KAT6A: variants seen among roughly 807,000 people sequenced by gnomAD.
KAT6A encodes the protein histone acetyltransferase KAT6A.
In KAT6A, 9 loss-of-function variants were observed where a neutral mutation model predicts 198.4. The ratio of observed to expected loss-of-function variants is 0.05; its 90% CI spans 0.03 to 0.08. The LOEUF is 0.08. Among genes scored for constraint, KAT6A ranks in the 10% least tolerant of loss-of-function variants. The probability of loss-of-function intolerance (pLI) is 1.00; values close to 1 mark genes in which losing one functional copy is unlikely to be tolerated. For synonymous variants in KAT6A, 890 were observed against 883.0 expected (o/e 1.01, Z -0.14); for missense variants, 2,077 against 2,509.9 (o/e 0.83, Z 3.69).
intron 2 of KAT6A, among the ~76,000 whole-genome samples, chr8:41,994,911 C>T (rs1825121035): frequency 6.6e-6 from 1 of 151,972 alleles, no homozygotes; most frequent in Admixed American, 6.6e-5. Flanking sequence ...CAAAAATTAG[C>T]CAGGCATGGT....
intron 2 of KAT6A, among the ~76,000 whole-genome samples, chr8:42,009,303 C>T (rs1369355621): frequency 6.6e-6 from 1 of 151,816 alleles, no homozygotes; most frequent in East Asian, 1.9e-4. Flanking sequence ...AAAGGTAATG[C>T]TATTAGTTTA....
intron 2 of KAT6A, among the ~76,000 whole-genome samples, chr8:41,997,418 GA>G (rs927391291): frequency 7.9e-5 from 12 of 151,368 alleles, no homozygotes; most frequent in African/African-American, 1.9e-4. Context: ...ATCAAAAATG[GA>G]AAAAAAAGTT....
chr8:41,940,889 G>A lies in KAT6A; in HGVS notation c.2992C>T (p.Arg998Trp), dbSNP rs777413662. 1.1e-5 allele frequency: 18 copies of A among 1,613,726 alleles called. No individual in the cohort carries two copies. Among genetic ancestry groups the A allele is most frequent in the Non-Finnish European group, 1.4e-5 (17 of 1,180,032 alleles). The change falls in exon 15 of 17, where the codon CGG becomes TGG. Residue 998 changes from arginine (R) to tryptophan (W), a missense_variant. By Grantham distance (101) the Arg-to-Trp change is moderately radical (BLOSUM62 -3). Coordinates refer to ENST00000265713, the MANE Select transcript of KAT6A (RefSeq NM_006766.5). Reference sequence around the variant, plus strand: ...GTGAGAATTGGTGGCGAGCTTGACCGAGGGCTTTCCGGCTCCTCCTCCTCC... The same window carrying A: ...GTGAGAATTGGTGGCGAGCTTGACCAAGGGCTTTCCGGCTCCTCCTCCTCC... ...SEEEEEPESP[R>W]SSSPPILTKP...
intron 8 of KAT6A, chr8:41,957,050 T>A (rs1240251746): frequency 1.7e-6 from 1 of 590,500 alleles, no homozygotes; most frequent in East Asian, 3.6e-5. Flanking sequence ...GTCATGCACC[T>A]GCTGCGGCAC....
At chr8:41,953,051 CT>C (rs1219928706) in intron 9 of KAT6A, among the ~76,000 whole-genome samples, 1 of 152,090 alleles carries the variant, frequency 6.6e-6, no homozygotes, top group African/African-American at 2.4e-5. Flanking sequence ...TCCTATTATA[CT>C]TTTTTTGGTT....
In KAT6A at chr8:42,043,911, T is replaced by G. The variant is rs554895722; in HGVS notation, c.600+4467A>C. On this transcript the variant is annotated intron_variant, in intron 2 of 16. Coordinates refer to ENST00000265713, the MANE Select transcript of KAT6A (RefSeq NM_006766.5). The stretch of plus-strand genomic sequence containing the variant: ...AGTAGCTATTTCACTGCTGGTACTG[T>G]TATGTTATTAATAACTAACTAACCT... Among the ~76,000 whole-genome samples the G allele has an allele frequency of 5.2e-4, 79 of 151,620 alleles. 1 individual carries two copies. The highest frequency in any genetic ancestry group is 1.7e-3 in the South Asian group (8 of 4,824).
chr8:41,946,161 G>C (rs1353490282), intron 12 of KAT6A, among the ~76,000 whole-genome samples: 1 of 152,084 alleles, frequency 6.6e-6, no homozygotes, highest in Non-Finnish European at 1.5e-5. Flanking sequence ...GCAATGCAGG[G>C]GTAGCATTGC....
At position 41,949,209 on chromosome 8, in the gene KAT6A, G is replaced by C. The variant is rs756409729; in HGVS notation, c.1740+13C>G. On this transcript the variant is annotated intron_variant, in intron 10 of 16. Transcript: ENST00000265713. Reference sequence around the variant, plus strand: ...AAATGGATGAGAGGACAATTACTAAGTATCTACCTTACCTCAAAGACAGAA... The same window carrying C: ...AAATGGATGAGAGGACAATTACTAACTATCTACCTTACCTCAAAGACAGAA... The C allele has an allele frequency of 6.7e-7, 1 of 1,492,492 alleles. No individual in the cohort carries two copies. The highest frequency in any genetic ancestry group is 1.4e-5 in the South Asian group (1 of 72,262). 92.5% of individuals were successfully genotyped at this position (1,492,492 alleles called of 1,614,324 possible).
At chr8:42,036,662 CAGGAGT>C (rs1313943939) in intron 2 of KAT6A, among the ~76,000 whole-genome samples, 3 of 151,894 alleles carry the variant, frequency 2.0e-5, no homozygotes, top group African/African-American at 4.8e-5. Context: ...CAACATGATG[CAGGAGT>C]AGTGAGTGAG....
Position 41,989,563 on chromosome 8 carries a change from A to ACGTG in KAT6A, c.601-2001_601-2000insCACG, listed in dbSNP as rs1564047209. On this transcript the variant is annotated intron_variant, in intron 2 of 16. Transcript: ENST00000265713. The stretch of plus-strand genomic sequence containing the variant: ...GACGTGACGTGACGTGACGTGACGT[A>ACGTG]ACATAACATAACTAAAATAAAAAAT... Among the ~76,000 whole-genome samples the ACGTG allele has an allele frequency of 2.6e-4, 30 of 117,562 alleles. 1 individual carries two copies. The highest frequency in any genetic ancestry group is 4.2e-4 in the Admixed American group (5 of 11,958). 77.1% of individuals were successfully genotyped at this position (117,562 alleles called of 152,430 possible). A position where few individuals can be genotyped will look rare whatever the true frequency, so the allele number is the denominator to read the frequency against.
intron 8 of KAT6A, among the ~76,000 whole-genome samples, chr8:41,963,122 G>A (rs937206542): frequency 1.3e-5 from 2 of 152,096 alleles, no homozygotes; most frequent in African/African-American, 4.8e-5. Context: ...GCTCCCAAGA[G>A]GAAGACATTT....
intron 8 of KAT6A, among the ~76,000 whole-genome samples, chr8:41,968,422 G>C (rs1389890732): frequency 6.6e-6 from 1 of 152,186 alleles, no homozygotes; most frequent in Non-Finnish European, 1.5e-5. Flanking sequence ...AAACCACAGT[G>C]AGATATCATC....
rs1191374382 is a variant in KAT6A, at chr8:41,976,994, T to C, written c.1363+14A>G. On this transcript the variant is annotated intron_variant, in intron 7 of 16. Coordinates refer to ENST00000265713, the MANE Select transcript of KAT6A (RefSeq NM_006766.5). Reference sequence around the variant, plus strand: ...AGAATACTATTTGTTTCTAAGTCTGTTCTAAACTCTTACCTGTGGGCCAAT... The same window carrying C: ...AGAATACTATTTGTTTCTAAGTCTGCTCTAAACTCTTACCTGTGGGCCAAT... 1 of 1,576,108 alleles carries C rather than the reference T, an allele frequency of 6.3e-7. No homozygotes were observed. Among genetic ancestry groups the C allele is most frequent in the South Asian group, 1.2e-5 (1 of 85,664 alleles).
intron 14 of KAT6A, chr8:41,942,571 A>AT: frequency 1.8e-6 from 1 of 546,120 alleles, no homozygotes; most frequent in Non-Finnish European, 3.2e-6. Flanking sequence ...GTAACACATT[A>AT]TAAGAAATTT....
At chr8:41,966,137 C>T (rs1823476266) in intron 8 of KAT6A, among the ~76,000 whole-genome samples, 1 of 152,032 alleles carries the variant, frequency 6.6e-6, no homozygotes, top group Admixed American at 6.6e-5. Flanking sequence ...ACTTACAGCA[C>T]TATGCCATTC....
In KAT6A at chr8:41,933,172, G is replaced by A. The variant is rs1255780857; in HGVS notation, c.5048C>T (p.Pro1683Leu). The change falls in exon 17 of 17, where the codon CCG becomes CTG. Residue 1683 changes from proline (P) to leucine (L), a missense_variant. By Grantham distance (98) the Pro-to-Leu change is moderately conservative. This residue lies in a region of KAT6A where 500 missense variants were observed against 577.2 expected (regional missense o/e 0.87). Coordinates refer to ENST00000265713, the MANE Select transcript of KAT6A (RefSeq NM_006766.5). The surrounding 1 kb of genome is among the most constrained non-coding windows in gnomAD (Gnocchi z 6.2). Reference sequence around the variant, plus strand: ...TGGAGGCTGCTGGGGCTGAGGCTGCGGCTGCTGTTGCGGCTGCTGCTGGGG... The same window carrying A: ...TGGAGGCTGCTGGGGCTGAGGCTGCAGCTGCTGTTGCGGCTGCTGCTGGGG... Reference protein sequence around the residue: ...PPPQQQPQQQPQPQPQQPPPP... With the variant: ...PPPQQQPQQQLQPQPQQPPPP... 10 of 1,592,500 alleles carry A rather than the reference G, an allele frequency of 6.3e-6. No homozygotes were observed. Among genetic ancestry groups the A allele is most frequent in the East Asian group, 2.2e-5 (1 of 44,464 alleles).
intron 2 of KAT6A, among the ~76,000 whole-genome samples, chr8:42,030,220 G>A (rs1287968230): frequency 1.3e-5 from 2 of 152,122 alleles, no homozygotes; most frequent in Admixed American, 1.3e-4. Context: ...GGCCCATGAA[G>A]GCCAAGAAGC....
intron 2 of KAT6A, among the ~76,000 whole-genome samples, chr8:42,006,811 C>T (rs941711185): frequency 6.6e-5 from 10 of 152,112 alleles, no homozygotes; most frequent in South Asian, 2.1e-4. Flanking sequence ...GACTGGCCAA[C>T]GTGGTGAAAC....
Position 41,978,642 on chromosome 8 carries a change from A to C in KAT6A, c.1043T>G (p.Val348Gly), listed in dbSNP as rs764318325. Residue 348 changes from valine to glycine, a missense_variant and splice_region_variant, in exon 6 of 17, where the codon GTA (valine) becomes GGA (glycine). Physicochemically the swap from Val to Gly is moderately radical, Grantham distance 109. Coordinates refer to ENST00000265713, the MANE Select transcript of KAT6A (RefSeq NM_006766.5). Reference sequence around the variant, plus strand: ...TCACCTTGCCACAAGTACAACTTACACCGTGTTTTGTTTCTTTAACCTGTT... The same window carrying C: ...TCACCTTGCCACAAGTACAACTTACCCCGTGTTTTGTTTCTTTAACCTGTT... ...PKNRLKKQNT[V>G]SKGPFSKVRT... 7.4e-6 allele frequency: 12 copies of C among 1,613,952 alleles called. No homozygotes were observed. In the Admixed American group the frequency reaches 1.3e-4, roughly 18 times the overall value.
Sources: allele counts gnomAD v4.1 joint callset (sites outside exome capture counted in the v4.1 genomes callset), GRCh38; gene constraint gnomAD v4.1.1; regional missense constraint gnomAD v4.1.1; non-coding constraint Gnocchi (gnomAD v3.1); transcripts MANE v1.5; gene names NCBI Gene and HGNC (gene_info 2026-07-23, HGNC 2026-07-21).